IARS2: variants seen among roughly 807,000 people sequenced by gnomAD.
The protein encoded by IARS2 is isoleucyl-tRNA synthetase 2, mitochondrial, also known as isoleucine--tRNA ligase, mitochondrial.
In IARS2, 56 loss-of-function variants were observed where a neutral mutation model predicts 126.3. The observed-to-expected ratio is 0.44, with a 90% CI of 0.36 to 0.55. The LOEUF is 0.55. Among genes scored for constraint, IARS2 ranks in the 20% least tolerant of loss-of-function variants. IARS2 has a pLI of 0.00. For missense variants in IARS2, 1,127 were observed against 1,245.9 expected, an observed-to-expected ratio of 0.90 and a Z score of 1.44; for synonymous variants, 407 against 441.1, an observed-to-expected ratio of 0.92 and a Z score of 0.97.
At chr1:220,094,925 C>T (rs1367409659) in intron 1 of IARS2, among the ~76,000 whole-genome samples, 2 of 151,992 alleles carry the variant, frequency 1.3e-5, no homozygotes, top group African/African-American at 4.8e-5. Flanking sequence ...ATCGCTTGAG[C>T]CAAGAGTTCG....
At chr1:220,143,859 G>A in intron 21 of IARS2, 1 of 622,436 alleles carries the variant, frequency 1.6e-6, no homozygotes, top group Non-Finnish European at 2.8e-6. Context: ...ACATAATGAT[G>A]TGATTTTTCT....
chr1:220,139,555 A>C lies in IARS2; in HGVS notation c.2307+416A>C, dbSNP rs1302563427. On this transcript the variant is annotated intron_variant, in intron 18 of 22. Coordinates refer to ENST00000366922, the MANE Select transcript of IARS2 (RefSeq NM_018060.4). ...TGCTTGAGGCCAGGTGTTCAAGACC[A>C]GCCTGGGCAACAGAGCAGGAACCTA... Among the ~76,000 whole-genome samples, 8 of 152,296 alleles carry C rather than the reference A, an allele frequency of 5.3e-5. No homozygotes were observed. In the East Asian group the frequency reaches 1.5e-3, roughly 29 times the overall value.
intron 9 of IARS2, among the ~76,000 whole-genome samples, chr1:220,106,470 A>C (rs890798729): frequency 1.3e-5 from 2 of 152,196 alleles, no homozygotes; most frequent in African/African-American, 4.8e-5. Context: ...CTGTGTATAT[A>C]GGCATAGATT....
intron 11 of IARS2, among the ~76,000 whole-genome samples, chr1:220,111,476 AC>A (rs1220076695): frequency 1.3e-5 from 2 of 152,126 alleles, no homozygotes; most frequent in East Asian, 3.8e-4. Flanking sequence ...TGAAAAATAT[AC>A]AAAGTTGTTG....
intron 14 of IARS2, among the ~76,000 whole-genome samples, chr1:220,133,045 C>CT (rs1367615265): frequency 6.6e-6 from 1 of 150,932 alleles, no homozygotes; most frequent in Non-Finnish European, 1.5e-5. Flanking sequence ...GATTCTTACT[C>CT]TGTCGCCCAG....
Position 220,140,263 on chromosome 1 carries a change from C to A in IARS2, c.2388C>A (p.Asn796Lys). The A allele has an allele frequency of 6.2e-7, 1 of 1,604,688 alleles. No homozygotes were observed. The highest frequency in any genetic ancestry group is 8.5e-7 in the Non-Finnish European group (1 of 1,171,614). ...CGTTTTATACCAGAGAGCTCTCTAA[C>A]TTTTATTTCAGTATAATCAAAGATA... ...LRTFYTRELSNFYFSIIKDRL... is the reference protein window; with the variant it reads ...LRTFYTRELSKFYFSIIKDRL... The change falls in exon 19 of 23, where the codon AAC becomes AAA. Residue 796 changes from asparagine (N) to lysine (K), a missense_variant. Asn to Lys is a moderately conservative substitution (Grantham distance 94). Coordinates refer to ENST00000366922, the MANE Select transcript of IARS2 (RefSeq NM_018060.4).
intron 1 of IARS2, among the ~76,000 whole-genome samples, chr1:220,094,724 G>A (rs1191141100): frequency 6.6e-6 from 1 of 152,232 alleles, no homozygotes; most frequent in Non-Finnish European, 1.5e-5. Context: ...GGGGTCACTA[G>A]CGATGCCCAG....
Position 220,134,490 on chromosome 1 carries a change from A to G in IARS2, c.1926A>G (p.Ala642=). 6.2e-7 allele frequency: 1 copy of G among 1,612,102 alleles called. No individual in the cohort carries two copies. The highest frequency in any genetic ancestry group is 8.5e-7 in the Non-Finnish European group (1 of 1,179,112). The change falls in exon 15 of 23, where the codon GCA becomes GCG. Residue 642 remains alanine, a synonymous_variant. Coordinates refer to ENST00000366922, the MANE Select transcript of IARS2 (RefSeq NM_018060.4). ...CATCCTTATTAACAAGTGTGGCAGCAAGGAAGAGAGCACCTTATAAGTAAG... is the reference window on the plus strand; with the variant it reads ...CATCCTTATTAACAAGTGTGGCAGCGAGGAAGAGAGCACCTTATAAGTAAG... ...FQSSLLTSVA[A]RKRAPYKTVI... is the part of the protein sequence containing the mutation.
chr1:220,133,264 T>C (rs1285823956), intron 14 of IARS2, among the ~76,000 whole-genome samples: 2 of 151,958 alleles, frequency 1.3e-5, no homozygotes, highest in African/African-American at 4.8e-5. Flanking sequence ...CCTCCACCTC[T>C]CAAAGGGCTG....
At chr1:220,135,552 A>G (rs59991104) in intron 15 of IARS2, among the ~76,000 whole-genome samples, 19,809 of 151,826 alleles carry the variant, frequency 0.13, 1,388 homozygotes, top group South Asian at 0.2. Context: ...TAGAGACGGG[A>G]TTTCACCATG....
At chr1:220,135,912 C>A (rs542176028) in intron 15 of IARS2, among the ~76,000 whole-genome samples, 66 of 151,108 alleles carry the variant, frequency 4.4e-4, no homozygotes, top group African/African-American at 1.5e-3. Flanking sequence ...TTTCTCATGC[C>A]CATTTGTGAC....
intron 1 of IARS2, 134 bp downstream of exon 1, chr1:220,094,617 T>A (rs1656398199): frequency 1.4e-6 from 1 of 697,998 alleles, no homozygotes; most frequent in South Asian, 2.0e-5. Context: ...TTGGTGGAAT[T>A]CGTCTGCTTC....
In IARS2 at chr1:220,134,499, A is replaced by C. The variant is rs1657329297; in HGVS notation, c.1935A>C (p.Arg645Ser). 3 of 1,610,302 alleles carry C rather than the reference A, an allele frequency of 1.9e-6. No individual in the cohort carries two copies. Among genetic ancestry groups the C allele is most frequent in the African/African-American group, 2.7e-5 (2 of 74,706 alleles). ...TAACAAGTGTGGCAGCAAGGAAGAG[A>C]GCACCTTATAAGTAAGTATTTATGC... ...SLLTSVAARK[R>S]APYKTVIVHG... The change falls in exon 15 of 23, where the codon AGA becomes AGC. Residue 645 changes from arginine (R) to serine (S), a missense_variant. Physicochemically the swap from Arg to Ser is moderately radical, Grantham distance 110. Coordinates refer to ENST00000366922, the MANE Select transcript of IARS2 (RefSeq NM_018060.4).
chr1:220,136,102 A>G (rs1045603469), intron 15 of IARS2, among the ~76,000 whole-genome samples: 12 of 152,138 alleles, frequency 7.9e-5, no homozygotes, highest in African/African-American at 2.9e-4. Flanking sequence ...TCGAGAGTTA[A>G]CTGTTTGACT....
rs150438816 is a variant in IARS2 at position 220,106,019 on chromosome 1, A to G, written c.1195A>G (p.Met399Val). The change falls in exon 9 of 23, where the codon ATG becomes GTG. Residue 399 changes from methionine (M) to valine (V), a missense_variant. Met to Val is a conservative substitution (Grantham distance 21). Transcript: ENST00000366922. ...GLVHTAPAHG[M>V]EDYGVASQHN... ...GGTTCACACAGCCCCAGCTCATGGT[A>G]TGGAAGACTACGGTGTAGCGTCTCA... 23 of 1,614,158 alleles carry G rather than the reference A, an allele frequency of 1.4e-5. No individual in the cohort carries two copies. The East Asian group carries it at 3.8e-4, about 27-fold the overall frequency.
Position 220,126,839 on chromosome 1 carries a change from T to C in IARS2, c.1833T>C (p.Leu611=). 1 of 1,601,390 alleles carries C rather than the reference T, an allele frequency of 6.2e-7. No individual in the cohort carries two copies. The highest frequency in any genetic ancestry group is 8.5e-7 in the Non-Finnish European group (1 of 1,173,984). The change falls in exon 14 of 23, where the codon CTT becomes CTC. Residue 611 remains leucine, a synonymous_variant. Transcript: ENST00000366922. The part of the protein sequence containing the change: ...FDSGTSWSYV[L]PGPDQRADLY... ...GCGGAACTTCATGGTCTTATGTTCT[T>C]CCAGGTAATTCTTAAAAATAGATAT...
rs573065696 is a variant in IARS2 at position 220,100,375 on chromosome 1, T to C, written c.391-115T>C. ...TTAAGTTTAAAAAAAAGAACATAAATTGTAGGCCAAATATTTTATGTATGA... is the reference window on the plus strand; with the variant it reads ...TTAAGTTTAAAAAAAAGAACATAAACTGTAGGCCAAATATTTTATGTATGA... On this transcript the variant is annotated intron_variant, in intron 2 of 22. Coordinates refer to ENST00000366922, the MANE Select transcript of IARS2 (RefSeq NM_018060.4). The C allele has an allele frequency of 1.4e-4, 117 of 865,126 alleles. No homozygotes were observed. In the African/African-American group the frequency reaches 1.9e-3, roughly 14 times the overall value. 53.6% of individuals were successfully genotyped at this position (865,126 alleles called of 1,614,324 possible). A position where few individuals can be genotyped will look rare whatever the true frequency, so the allele number is the denominator to read the frequency against.
intron 19 of IARS2, among the ~76,000 whole-genome samples, chr1:220,141,407 G>A (rs1009285311): frequency 1.3e-5 from 2 of 152,182 alleles, no homozygotes; most frequent in Non-Finnish European, 1.5e-5. Flanking sequence ...AGTCTGAGGC[G>A]TTATCCTCAG....
intron 10 of IARS2, among the ~76,000 whole-genome samples, chr1:220,110,343 A>G (rs1443659159): frequency 6.6e-6 from 1 of 151,678 alleles, no homozygotes; most frequent in African/African-American, 2.4e-5. Flanking sequence ...TACAGGCGTG[A>G]GCAACCACGC....
Sources: gnomAD v4.1 joint callset for allele counts (sites outside exome capture counted in the v4.1 genomes callset) on GRCh38, gnomAD v4.1.1 for gene constraint, MANE v1.5 for transcripts, NCBI Gene and HGNC (gene_info 2026-07-23, HGNC 2026-07-21) for gene names.